DOCK2: variants seen among roughly 807,000 people sequenced by gnomAD.
DOCK2 encodes dedicator of cytokinesis 2.
In DOCK2, 87 loss-of-function variants were observed where a neutral mutation model predicts 248.9. The ratio of observed to expected loss-of-function variants is 0.35; its 90% CI spans 0.29 to 0.42. The LOEUF (loss-of-function observed/expected upper bound fraction) is 0.42, where lower values mean the gene tolerates loss of function less well. Among genes scored for constraint, DOCK2 ranks in the 10% least tolerant of loss-of-function variants. The pLI is 1.00. For synonymous variants in DOCK2, 805 were observed against 821.6 expected (o/e 0.98, Z 0.35); for missense variants, 1,747 against 2,300.2 (o/e 0.76, Z 4.92).
At chr5:169,650,259 T>C (rs999158200) in intron 1 of DOCK2, among the ~76,000 whole-genome samples, 9 of 152,320 alleles carry the variant, frequency 5.9e-5, no homozygotes, top group Admixed American at 5.2e-4. Context: ...CCATGGAGTA[T>C]ATACTTGGCA....
At chr5:170,066,286 G>C (rs2113866735) in intron 44 of DOCK2, among the ~76,000 whole-genome samples, 2 of 151,012 alleles carry the variant, frequency 1.3e-5, no homozygotes, top group South Asian at 4.2e-4. Flanking sequence ...ATGAAAAACT[G>C]TAAAAAAAAA....
chr5:169,816,256 G>T (rs767682680), intron 26 of DOCK2, among the ~76,000 whole-genome samples: 5 of 152,184 alleles, frequency 3.3e-5, no homozygotes, highest in Non-Finnish European at 7.3e-5. Context: ...TGCCTCACCT[G>T]CCATGTACAA....
At chr5:169,947,180 C>T (rs1224138916) in intron 27 of DOCK2, among the ~76,000 whole-genome samples, 1 of 152,196 alleles carries the variant, frequency 6.6e-6, no homozygotes, top group South Asian at 2.1e-4. Context: ...AGTGATAGAG[C>T]TGTGATATGA....
At chr5:169,639,248 T>C (rs1311875895) in intron 1 of DOCK2, among the ~76,000 whole-genome samples, 1 of 152,216 alleles carries the variant, frequency 6.6e-6, no homozygotes, top group South Asian at 2.1e-4. Context: ...AGGTCACTTA[T>C]AATCAACATT....
intron 2 of DOCK2, among the ~76,000 whole-genome samples, chr5:169,655,416 C>T (rs560251333): frequency 9.2e-5 from 14 of 152,306 alleles, no homozygotes; most frequent in Middle Eastern, 3.4e-3. Context: ...GAGGGAGTGA[C>T]GGTCAGGGAG....
intron 40 of DOCK2, among the ~76,000 whole-genome samples, chr5:170,049,389 AG>A (rs1173585508): frequency 7.2e-5 from 11 of 152,248 alleles, no homozygotes; most frequent in Non-Finnish European, 1.0e-4. Flanking sequence ...CTGGGATTAC[AG>A]GCGTGAGCCA....
intron 25 of DOCK2, among the ~76,000 whole-genome samples, chr5:169,781,830 G>T (rs77840827): frequency 0.077 from 11,728 of 152,114 alleles, 962 homozygotes; most frequent in East Asian, 0.34. Flanking sequence ...GCCCCCTTTT[G>T]CAGGTGGATG....
At chr5:169,917,750 C>A (rs1237786004) in intron 27 of DOCK2, among the ~76,000 whole-genome samples, 2 of 152,164 alleles carry the variant, frequency 1.3e-5, no homozygotes, top group African/African-American at 4.8e-5. Flanking sequence ...TAATGTCACA[C>A]TCAGAAAGGG....
intron 7 of DOCK2, among the ~76,000 whole-genome samples, chr5:169,683,989 C>T (rs1294344156): frequency 6.6e-6 from 1 of 152,112 alleles, no homozygotes; most frequent in Non-Finnish European, 1.5e-5. Flanking sequence ...AAGTCTGGGT[C>T]AATGGTGACA....
In DOCK2 at chr5:170,027,964, T is replaced by C; in HGVS notation, c.3467+16T>C. ...TGGAGTCAATGTAAGTTCAGTGCCC[T>C]GTGTGTAGGAACAGCCTGTGAAGGT... is the stretch of plus-strand genomic sequence containing the variant. On this transcript the variant is annotated intron_variant, in intron 34 of 51. Transcript: ENST00000520908. The C allele has an allele frequency of 6.2e-7, 1 of 1,605,944 alleles. No individual in the cohort carries two copies. The highest frequency in any genetic ancestry group is 8.5e-7 in the Non-Finnish European group (1 of 1,175,504).
At chr5:169,895,466 T>C (rs544233144) in intron 27 of DOCK2, among the ~76,000 whole-genome samples, 5 of 152,224 alleles carry the variant, frequency 3.3e-5, no homozygotes, top group Admixed American at 6.5e-5. Context: ...CCTAACCACC[T>C]ATACTCACCT....
chr5:170,073,084 C>T (rs1757732553), intron 46 of DOCK2, among the ~76,000 whole-genome samples: 1 of 152,176 alleles, frequency 6.6e-6, no homozygotes, highest in Non-Finnish European at 1.5e-5. Context: ...GCAACTACCC[C>T]AAGATCATGA....
chr5:169,806,478 G>A (rs1318209402), intron 26 of DOCK2, among the ~76,000 whole-genome samples: 2 of 152,088 alleles, frequency 1.3e-5, no homozygotes, highest in African/African-American at 2.4e-5. Context: ...AGCCAAATGG[G>A]TAGGAAGATG....
intron 41 of DOCK2, among the ~76,000 whole-genome samples, chr5:170,054,030 G>A (rs889684326): frequency 7.9e-6 from 1 of 127,330 alleles, no homozygotes; most frequent in African/African-American, 3.8e-5. Flanking sequence ...CTCCTAACTG[G>A]GGGGTGAATT....
intron 33 of DOCK2, among the ~76,000 whole-genome samples, chr5:170,027,097 G>A (rs753656983): frequency 1.3e-5 from 2 of 151,846 alleles, no homozygotes; most frequent in African/African-American, 2.4e-5. Flanking sequence ...AGACAGACTC[G>A]TTCATTGTGG....
intron 27 of DOCK2, among the ~76,000 whole-genome samples, chr5:169,911,530 C>G (rs952961691): frequency 2.6e-5 from 4 of 152,120 alleles, no homozygotes; most frequent in Admixed American, 2.0e-4. Flanking sequence ...GGTGAGAGTT[C>G]CTGAGACAGT....
In DOCK2 at chr5:170,082,788, C is replaced by T; in HGVS notation, c.5431-8C>T. 1 of 1,614,158 alleles carries T rather than the reference C, an allele frequency of 6.2e-7. No individual in the cohort carries two copies. Among genetic ancestry groups the T allele is most frequent in the Non-Finnish European group, 8.5e-7 (1 of 1,180,024 alleles). ...TCTTGGTTTTGTGCTTGTTTATTCT[C>T]TCAAAAGCTGGCCAGCAAATCGGCT... is the stretch of plus-strand genomic sequence containing the variant. On this transcript the variant is annotated splice_region_variant and splice_polypyrimidine_tract_variant and intron_variant, in intron 51 of 51. Transcript: ENST00000520908.
At position 170,079,066 on chromosome 5, in the gene DOCK2, C is replaced by T. The variant is rs980056604; in HGVS notation, c.5086C>T (p.Arg1696Trp). Residue 1696 changes from arginine to tryptophan, a missense_variant, in exon 49 of 52, where the codon CGG (arginine) becomes TGG (tryptophan). By Grantham distance (101) the Arg-to-Trp change is moderately radical. This residue lies in a region of DOCK2 where 513 missense variants were observed against 586.1 expected (regional missense o/e 0.88). Transcript: ENST00000520908. ...GAGCACCCTGCCTGAGGTCAAGCTG[C>T]GGAGGTCCAAGAAGAGGACAAAGAG... is the stretch of plus-strand genomic sequence containing the variant. ...PGSTLPEVKL[R>W]RSKKRTKRSS... The T allele has an allele frequency of 1.6e-5, 26 of 1,613,994 alleles. No individual in the cohort carries two copies. Among genetic ancestry groups the T allele is most frequent in the Admixed American group, 3.3e-5 (2 of 60,012 alleles).
intron 27 of DOCK2, among the ~76,000 whole-genome samples, chr5:169,895,029 C>G (rs183334352): frequency 1.8e-4 from 28 of 152,292 alleles, no homozygotes; most frequent in Non-Finnish European, 2.9e-4. Flanking sequence ...GTGCAGGAAT[C>G]TCAGACCATT....
Sources: allele counts gnomAD v4.1 joint callset (sites outside exome capture counted in the v4.1 genomes callset), GRCh38; gene constraint gnomAD v4.1.1; regional missense constraint gnomAD v4.1.1; transcripts MANE v1.5; gene names NCBI Gene and HGNC (gene_info 2026-07-23, HGNC 2026-07-21).